The following SYNE2 variants were observed in gnomAD, a reference collection of about 807,000 sequenced individuals.
SYNE2 encodes the protein spectrin repeat containing nuclear envelope protein 2, also known as nesprin-2.
Under a neutral mutation model 856.3 loss-of-function variants are expected in SYNE2, and 431 were observed. That is an observed-to-expected ratio of 0.50 (90% CI 0.47 to 0.55). The LOEUF (loss-of-function observed/expected upper bound fraction) is 0.55, where lower values mean the gene tolerates loss of function less well. SYNE2 is among the 20% of genes least tolerant of loss of function. The pLI, the probability that SYNE2 is intolerant of heterozygous loss-of-function variation, is 0.00. For missense variants in SYNE2, 8,129 were observed against 8,023.2 expected (o/e 1.01, Z -0.50); for synonymous variants, 2,923 against 2,872.3 (o/e 1.02, Z -0.56).
chr14:64,073,909 C>A, intron 52 of SYNE2, 59 bp from the exon 53 acceptor site: 8 of 1,558,602 alleles, frequency 5.1e-6, no homozygotes, highest in Non-Finnish European at 6.2e-6. Flanking sequence ...AAAACTGTTT[C>A]ATTTTATTCA....
chr14:64,163,731 T>G, intron 89 of SYNE2, 150 bp downstream of exon 89: 1 of 831,830 alleles, frequency 1.2e-6, no homozygotes, highest in Non-Finnish European at 2.0e-6. Flanking sequence ...CGATTCTAGC[T>G]TCAATCACAT....
chr14:64,192,886 T>A (rs1356267662), intron 99 of SYNE2, among the ~76,000 whole-genome samples: 2 of 152,226 alleles, frequency 1.3e-5, no homozygotes, highest in African/African-American at 4.8e-5. Context: ...GAATCATTTT[T>A]CTTATTTTAA....
intron 98 of SYNE2, among the ~76,000 whole-genome samples, chr14:64,189,328 C>G (rs1008154256): frequency 6.6e-6 from 1 of 150,564 alleles, no homozygotes; most frequent in African/African-American, 2.4e-5. Context: ...AGCAAAAATT[C>G]CATCTCAAAA....
intron 19 of SYNE2, among the ~76,000 whole-genome samples, chr14:63,988,905 T>C (rs1286969759): frequency 6.6e-6 from 1 of 152,232 alleles, no homozygotes; most frequent in Non-Finnish European, 1.5e-5. Context: ...TCACAACTCG[T>C]GGGAATTCAA....
At chr14:63,763,497 G>T (rs1886567436) in intron 1 of SYNE2, among the ~76,000 whole-genome samples, 1 of 151,880 alleles carries the variant, frequency 6.6e-6, no homozygotes, top group African/African-American at 2.4e-5. Context: ...ATTGCTTGGG[G>T]CCAGGGGTTT....
At chr14:64,157,842 G>A (rs1448046291) in intron 85 of SYNE2, among the ~76,000 whole-genome samples, 2 of 152,152 alleles carry the variant, frequency 1.3e-5, no homozygotes, top group Non-Finnish European at 2.9e-5. Context: ...TATGTTCAGT[G>A]TCTTTTCATA....
At chr14:63,901,225 C>G (rs1248436988) in intron 1 of SYNE2, among the ~76,000 whole-genome samples, 1 of 152,150 alleles carries the variant, frequency 6.6e-6, no homozygotes, top group African/African-American at 2.4e-5. Context: ...ATTTCTGACA[C>G]ACTCAGAGAA....
chr14:63,918,387 AT>A, intron 2 of SYNE2, among the ~76,000 whole-genome samples: 1 of 152,200 alleles, frequency 6.6e-6, no homozygotes, highest in East Asian at 1.9e-4. Flanking sequence ...AATTCAGGGA[AT>A]TTTGGTAAAA....
intron 1 of SYNE2, among the ~76,000 whole-genome samples, chr14:63,817,083 T>C (rs1393054261): frequency 1.3e-5 from 2 of 152,192 alleles, no homozygotes; most frequent in Non-Finnish European, 2.9e-5. Flanking sequence ...CTTTTCTTTC[T>C]GCCCTTGGAT....
At chr14:64,126,918 A>C in intron 73 of SYNE2, 111 bp downstream of exon 73, 2 of 1,173,582 alleles carry the variant, frequency 1.7e-6, no homozygotes, top group Non-Finnish European at 2.5e-6. Context: ...TGCTAAGGGA[A>C]ATGATGAGAC....
chr14:63,856,183 G>A (rs558494680), intron 1 of SYNE2, among the ~76,000 whole-genome samples: 1 of 152,168 alleles, frequency 6.6e-6, no homozygotes, highest in Non-Finnish European at 1.5e-5. Flanking sequence ...TGACAGGGTG[G>A]AAATCAGGTG....
chr14:64,082,365 T>A (rs2097531064), intron 57 of SYNE2, among the ~76,000 whole-genome samples: 1 of 150,668 alleles, frequency 6.6e-6, no homozygotes, highest in South Asian at 2.1e-4. Context: ...CCGGTAAGTA[T>A]AATACTTACA....
At chr14:64,213,843 A>T (rs1274145369) in intron 105 of SYNE2, among the ~76,000 whole-genome samples, 3 of 152,238 alleles carry the variant, frequency 2.0e-5, no homozygotes, top group Non-Finnish European at 4.4e-5. Context: ...CCTTTTCAAA[A>T]ATAGTCTGAT....
Position 64,225,379 on chromosome 14 carries a change from A to G in SYNE2, c.20577A>G (p.Leu6859=). 1 of 1,613,912 alleles carries G rather than the reference A, an allele frequency of 6.2e-7. No individual in the cohort carries two copies. The highest frequency in any genetic ancestry group is 8.5e-7 in the Non-Finnish European group (1 of 1,179,960). ...SFLSRVVRAA[L]PLQLLLLLLL... is the part of the protein sequence containing the mutation. ...TCTCAAGGGTGGTCCGGGCAGCCCT[A>G]CCCCTGCAGCTGCTCCTCCTGCTGC... Residue 6859 remains leucine, a synonymous_variant, in exon 116 of 116, where the codon CTA becomes CTG. Coordinates refer to ENST00000555002, the MANE Select transcript of SYNE2 (RefSeq NM_182914.3).
chr14:64,182,526 G>A (rs1288141995), intron 96 of SYNE2, among the ~76,000 whole-genome samples: 3 of 152,142 alleles, frequency 2.0e-5, no homozygotes, highest in African/African-American at 7.2e-5. Flanking sequence ...CCTAGGCAGA[G>A]GACCCTGCGG....
chr14:63,766,148 G>C (rs1329547165), intron 1 of SYNE2, among the ~76,000 whole-genome samples: 3 of 150,452 alleles, frequency 2.0e-5, no homozygotes, highest in Non-Finnish European at 4.4e-5. Flanking sequence ...GCATGATCTC[G>C]GCTCACTGCA....
chr14:63,861,562 G>T (rs545770615), intron 1 of SYNE2, among the ~76,000 whole-genome samples: 2 of 151,966 alleles, frequency 1.3e-5, no homozygotes, highest in African/African-American at 4.8e-5. Flanking sequence ...AGGCTGAGGC[G>T]AGAGGATCAC....
intron 54 of SYNE2, 62 bp downstream of exon 54, chr14:64,076,162 A>G: frequency 6.4e-7 from 1 of 1,555,552 alleles, no homozygotes. Context: ...CAGGAGGAAA[A>G]TATCATTTAA....
chr14:64,194,531 C>T (rs1339508919), intron 99 of SYNE2, among the ~76,000 whole-genome samples: 1 of 152,172 alleles, frequency 6.6e-6, no homozygotes, highest in African/African-American at 2.4e-5. Flanking sequence ...TCTTGAGCTC[C>T]TGGGCTCAAG....
Sources: allele counts gnomAD v4.1 joint callset (sites outside exome capture counted in the v4.1 genomes callset), GRCh38; gene constraint gnomAD v4.1.1; transcripts MANE v1.5; gene names NCBI Gene and HGNC (gene_info 2026-07-23, HGNC 2026-07-21).